The following CSNK2A2IP variants were observed in gnomAD, a reference collection of about 807,000 sequenced individuals.
CSNK2A2IP encodes casein kinase 2 subunit alpha' interacting protein, also known as casein kinase II subunit alpha'-interacting protein.
At chr3:88,404,944 G>T in the CSNK2A2IP span, among the ~76,000 whole-genome samples, 41 of 152,024 alleles carry the variant, frequency 2.7e-4, no homozygotes, top group Non-Finnish European at 5.4e-4. Context: ...CCTGATATTT[G>T]GATCACCCTC....
chr3:88,367,961 G>T, the CSNK2A2IP span, among the ~76,000 whole-genome samples: 1 of 152,026 alleles, frequency 6.6e-6, no homozygotes, highest in East Asian at 1.9e-4. Context: ...TGAGCGTTCT[G>T]TTGTGAAAAT....
the CSNK2A2IP span, among the ~76,000 whole-genome samples, chr3:88,382,255 C>G: frequency 6.6e-6 from 1 of 152,154 alleles, no homozygotes; most frequent in African/African-American, 2.4e-5. Context: ...ATCCTTGGTA[C>G]AATCCTCTAT....
the CSNK2A2IP span, among the ~76,000 whole-genome samples, chr3:88,378,339 T>C: frequency 1.3e-5 from 2 of 151,932 alleles, no homozygotes; most frequent in African/African-American, 2.4e-5. Context: ...ACTGAACTTC[T>C]GAATACATCA....
the CSNK2A2IP span, among the ~76,000 whole-genome samples, chr3:88,406,389 C>T: frequency 9.2e-5 from 14 of 152,126 alleles, no homozygotes; most frequent in East Asian, 1.9e-4. Flanking sequence ...CTACGGGAAG[C>T]GCAGTTGCTT....
the CSNK2A2IP span, among the ~76,000 whole-genome samples, chr3:88,428,694 A>T: frequency 6.6e-6 from 1 of 152,142 alleles, no homozygotes; most frequent in Non-Finnish European, 1.5e-5. Flanking sequence ...TATACTGGAT[A>T]TTGAGAAAAC....
chr3:88,343,193 A>G, the CSNK2A2IP span: 1 of 152,294 alleles, frequency 6.6e-6, no homozygotes, highest in African/African-American at 2.4e-5. Flanking sequence ...ATAATGGCAG[A>G]GATGATGTTC....
the CSNK2A2IP span, among the ~76,000 whole-genome samples, chr3:88,362,879 C>G: frequency 6.6e-6 from 1 of 152,136 alleles, no homozygotes; most frequent in East Asian, 1.9e-4. Context: ...TTCCCTAAGA[C>G]TCCTCTCTGC....
the CSNK2A2IP span, among the ~76,000 whole-genome samples, chr3:88,374,254 A>G: frequency 6.6e-6 from 1 of 151,700 alleles, no homozygotes; most frequent in African/African-American, 2.4e-5. Context: ...TTTTGGAGGA[A>G]GAGCTGTATA....
At chr3:88,347,291 G>A in the CSNK2A2IP span, among the ~76,000 whole-genome samples, 1 of 152,008 alleles carries the variant, frequency 6.6e-6, no homozygotes, top group Non-Finnish European at 1.5e-5. Flanking sequence ...CAGTAGCAGG[G>A]TTTGAGAGGA....
At chr3:88,448,030 A>T in the CSNK2A2IP span, among the ~76,000 whole-genome samples, 1 of 152,190 alleles carries the variant, frequency 6.6e-6, no homozygotes, top group East Asian at 1.9e-4. Flanking sequence ...TACCTAAAAT[A>T]TTGTCTAGGG....
chr3:88,376,716 G>T, the CSNK2A2IP span, among the ~76,000 whole-genome samples: 2 of 150,882 alleles, frequency 1.3e-5, no homozygotes, highest in Non-Finnish European at 3.0e-5. Flanking sequence ...CATTCTTTTG[G>T]TGGCTACACT....
chr3:88,375,923 AGTT>A, the CSNK2A2IP span, among the ~76,000 whole-genome samples: 2 of 151,476 alleles, frequency 1.3e-5, no homozygotes, highest in African/African-American at 4.8e-5. Context: ...CATCCCCATT[AGTT>A]GTTACTTCCT....
chr3:88,351,680 A>C, the CSNK2A2IP span, among the ~76,000 whole-genome samples: 1 of 152,118 alleles, frequency 6.6e-6, no homozygotes, highest in African/African-American at 2.4e-5. Context: ...TAAATCTTTT[A>C]TGTCCAACAC....
chr3:88,391,889 A>C, the CSNK2A2IP span, among the ~76,000 whole-genome samples: 1 of 152,078 alleles, frequency 6.6e-6, no homozygotes, highest in South Asian at 2.1e-4. Context: ...AGGAAAGATG[A>C]CTCTGAAATT....
the CSNK2A2IP span, chr3:88,338,708 A>T: frequency 6.6e-6 from 1 of 152,058 alleles, no homozygotes; most frequent in Non-Finnish European, 1.5e-5. Flanking sequence ...GTGTTGTATA[A>T]GCTTATGTGT....
chr3:88,371,691 C>T, the CSNK2A2IP span, among the ~76,000 whole-genome samples: 1 of 151,578 alleles, frequency 6.6e-6, no homozygotes, highest in African/African-American at 2.4e-5. Context: ...TGAACTTATA[C>T]CTACAGGAAG....
At chr3:88,418,935 C>T in the CSNK2A2IP span, among the ~76,000 whole-genome samples, 2 of 152,222 alleles carry the variant, frequency 1.3e-5, no homozygotes, top group East Asian at 1.9e-4. Context: ...CTCTGCCTGC[C>T]GTCAGATCAG....
the CSNK2A2IP span, among the ~76,000 whole-genome samples, chr3:88,388,579 A>G: frequency 6.6e-6 from 1 of 152,212 alleles, no homozygotes; most frequent in Admixed American, 6.5e-5. Flanking sequence ...CAATGTTAGG[A>G]TAGAGAATAT....
At chr3:88,429,917 T>C in the CSNK2A2IP span, among the ~76,000 whole-genome samples, 4 of 82,484 alleles carry the variant, frequency 4.8e-5, no homozygotes, top group Non-Finnish European at 9.3e-5. Context: ...CACGCCAGGC[T>C]AATTTTTTTT....
Sources: gnomAD v4.1 joint callset for allele counts (sites outside exome capture counted in the v4.1 genomes callset) on GRCh38, gnomAD v4.1.1 for gene constraint, MANE v1.5 for transcripts, NCBI Gene and HGNC (gene_info 2026-07-23, HGNC 2026-07-21) for gene names.